Variants in ZNF438 observed in about 807,000 individuals in gnomAD.
The protein encoded by ZNF438 is zinc finger protein 438.
In ZNF438, 25 loss-of-function variants were observed where a neutral mutation model predicts 38.0. The ratio of observed to expected loss-of-function variants is 0.66; its 90% CI spans 0.48 to 0.92. ZNF438 has a LOEUF of 0.92. Among genes scored for constraint, ZNF438 ranks in the 40% least tolerant of loss-of-function variants. The probability of loss-of-function intolerance (pLI) is 0.00; values close to 1 mark genes in which losing one functional copy is unlikely to be tolerated. For missense variants in ZNF438, 1,007 were observed against 999.6 expected, an observed-to-expected ratio of 1.01 and a Z score of -0.10; for synonymous variants, 372 against 364.1, an observed-to-expected ratio of 1.02 and a Z score of -0.25.
intron 1 of ZNF438, among the ~76,000 whole-genome samples, chr10:31,005,832 G>A (rs575858549): frequency 3.9e-5 from 6 of 152,280 alleles, no homozygotes; most frequent in African/African-American, 1.4e-4. Flanking sequence ...GGATCAAATG[G>A]TATTTGTGGG....
At chr10:30,949,089 C>T (rs1421007378) in intron 1 of ZNF438, among the ~76,000 whole-genome samples, 1 of 152,078 alleles carries the variant, frequency 6.6e-6, no homozygotes, top group Non-Finnish European at 1.5e-5. Context: ...GAGTGGGGGC[C>T]AATATTCAAC....
chr10:30,910,472 T>TA (rs2042965359), intron 2 of ZNF438: 1 of 151,508 alleles, frequency 6.6e-6, no homozygotes, highest in South Asian at 2.1e-4. Context: ...GAGGCAAAGA[T>TA]ACAGTAGAAA....
intron 2 of ZNF438, among the ~76,000 whole-genome samples, chr10:30,911,670 A>G (rs757258999): frequency 3.3e-5 from 5 of 152,108 alleles, no homozygotes; most frequent in Non-Finnish European, 5.9e-5. Context: ...TTATTTTTGG[A>G]AACACAAGAG....
At chr10:30,954,052 A>G (rs928125373) in intron 1 of ZNF438, among the ~76,000 whole-genome samples, 5 of 152,170 alleles carry the variant, frequency 3.3e-5, no homozygotes, top group Non-Finnish European at 5.9e-5. Context: ...CTGAGGCAGG[A>G]GAATCACTTG....
At chr10:30,876,308 C>G (rs2038407010) in intron 4 of ZNF438, among the ~76,000 whole-genome samples, 1 of 152,108 alleles carries the variant, frequency 6.6e-6, no homozygotes, top group Non-Finnish European at 1.5e-5. Context: ...AACTTCTCTT[C>G]TGTGTGGAAG....
intron 2 of ZNF438, among the ~76,000 whole-genome samples, chr10:30,914,360 G>A (rs145331179): frequency 6.6e-6 from 1 of 152,108 alleles, no homozygotes; most frequent in African/African-American, 2.4e-5. Flanking sequence ...AGGCCAACAT[G>A]ATGGAATCTT....
intron 4 of ZNF438, among the ~76,000 whole-genome samples, chr10:30,852,453 C>T (rs2033833342): frequency 6.6e-6 from 1 of 152,126 alleles, no homozygotes; most frequent in South Asian, 2.1e-4. Context: ...GGTGATCTGC[C>T]CGCCTCGGCC....
rs1187477296 is a variant in ZNF438 at position 30,852,057 on chromosome 10, C to T, written c.38-1690G>A. On this transcript the variant is annotated intron_variant, in intron 4 of 5. Coordinates refer to ENST00000413025, the Ensembl canonical transcript of ZNF438. ...AGATGCCTGTAATCTCAGCTACTGG[C>T]GAGGCTGAGGCAGGAGAATCACTTG... Among the ~76,000 whole-genome samples, 60 of 151,186 alleles carry T rather than the reference C, an allele frequency of 4.0e-4. 1 individual carries two copies. Among genetic ancestry groups the T allele is most frequent in the Non-Finnish European group, 2.4e-4 (16 of 67,780 alleles).
intron 2 of ZNF438, among the ~76,000 whole-genome samples, chr10:30,917,551 A>G (rs2043792626): frequency 6.6e-6 from 1 of 152,170 alleles, no homozygotes; most frequent in South Asian, 2.1e-4. Flanking sequence ...CCCAGATGAC[A>G]AATGACGCTG....
chr10:31,017,537 C>T (rs1264177819), intron 1 of ZNF438, among the ~76,000 whole-genome samples: 2 of 152,178 alleles, frequency 1.3e-5, no homozygotes, highest in Non-Finnish European at 2.9e-5. Flanking sequence ...TCAGTCAGTT[C>T]CACAAGAAAG....
At chr10:31,007,717 A>C (rs958001403) in intron 1 of ZNF438, among the ~76,000 whole-genome samples, 1 of 152,254 alleles carries the variant, frequency 6.6e-6, no homozygotes, top group Non-Finnish European at 1.5e-5. Flanking sequence ...CCTAACAGAG[A>C]GTGCCTAGTA....
exon 5 of ZNF438, chr10:30,849,273 C>T: frequency 6.2e-7 from 1 of 1,614,142 alleles, no homozygotes; most frequent in Non-Finnish European, 8.5e-7. Flanking sequence ...TTTGCTGCTC[C>T]ACTGTTCAGT....
At chr10:31,026,549 T>C (rs1209228407) in intron 1 of ZNF438, among the ~76,000 whole-genome samples, 2 of 152,200 alleles carry the variant, frequency 1.3e-5, no homozygotes, top group Non-Finnish European at 2.9e-5. Flanking sequence ...AGATACCATT[T>C]CACACCAGTT....
At chr10:30,907,687 G>A (rs949380556) in intron 3 of ZNF438, among the ~76,000 whole-genome samples, 1 of 152,038 alleles carries the variant, frequency 6.6e-6, no homozygotes, top group African/African-American at 2.4e-5. Context: ...AGTCAGTAGT[G>A]ATATCCCCTC....
intron 1 of ZNF438, among the ~76,000 whole-genome samples, chr10:30,986,352 G>A (rs959944085): frequency 6.6e-6 from 1 of 152,104 alleles, no homozygotes; most frequent in Non-Finnish European, 1.5e-5. Context: ...TCCACACTGG[G>A]TAGTCATTTT....
chr10:30,852,497 C>T (rs1396651084), intron 4 of ZNF438, among the ~76,000 whole-genome samples: 4 of 152,136 alleles, frequency 2.6e-5, no homozygotes, highest in Non-Finnish European at 5.9e-5. Flanking sequence ...CATGAGCCAC[C>T]GCGCCCGGCC....
At chr10:30,974,106 T>C (rs2051058114) in intron 1 of ZNF438, among the ~76,000 whole-genome samples, 1 of 152,192 alleles carries the variant, frequency 6.6e-6, no homozygotes, top group Non-Finnish European at 1.5e-5. Context: ...GACACACACA[T>C]ATCCCAGTGG....
chr10:30,890,640 G>A (rs528464160), intron 3 of ZNF438, among the ~76,000 whole-genome samples: 3 of 152,212 alleles, frequency 2.0e-5, no homozygotes, highest in African/African-American at 7.2e-5. Context: ...TATTCTCTCT[G>A]ATGCAACTAG....
intron 5 of ZNF438, 47 bp from the exon 7 acceptor site, chr10:30,845,620 A>G (rs761530050): frequency 3.2e-6 from 5 of 1,564,384 alleles, no homozygotes; most frequent in Non-Finnish European, 4.3e-6. Flanking sequence ...GGAAAAATGC[A>G]ATTGGAATCT....
Sources: allele counts gnomAD v4.1 joint callset (sites outside exome capture counted in the v4.1 genomes callset), GRCh38; gene constraint gnomAD v4.1.1; transcripts MANE v1.5; gene names NCBI Gene and HGNC (gene_info 2026-07-23, HGNC 2026-07-21).